The following POT1 variants were observed in gnomAD, a reference collection of about 807,000 sequenced individuals.
POT1 encodes the protein protection of telomeres protein 1.
A neutral mutation model predicts 78.5 loss-of-function variants in POT1; 47 were observed. That is an observed-to-expected ratio of 0.60 (90% CI 0.47 to 0.76). The LOEUF (loss-of-function observed/expected upper bound fraction) is 0.76. Among genes scored for constraint, POT1 ranks in the 30% least tolerant of loss-of-function variants. POT1 has a pLI of 0.00. For missense variants in POT1, 646 were observed against 749.9 expected, an observed-to-expected ratio of 0.86 and a Z score of 1.62; for synonymous variants, 259 against 260.7, an observed-to-expected ratio of 0.99 and a Z score of 0.06.
chr7:124,922,615 A>G (rs1188326229), intron 2 of POT1, among the ~76,000 whole-genome samples: 1 of 152,016 alleles, frequency 6.6e-6, no homozygotes, highest in Non-Finnish European at 1.5e-5. Flanking sequence ...GTATATTGTT[A>G]GTACTAGCAT....
At chr7:124,877,084 T>A (rs191473250) in intron 6 of POT1, among the ~76,000 whole-genome samples, 1 of 152,276 alleles carries the variant, frequency 6.6e-6, no homozygotes, top group Admixed American at 6.5e-5. Context: ...GTCACATAAT[T>A]GTGAAATTAG....
At chr7:124,893,519 AAC>A (rs1323193542) in intron 5 of POT1, among the ~76,000 whole-genome samples, 3 of 151,486 alleles carry the variant, frequency 2.0e-5, no homozygotes, top group African/African-American at 7.2e-5. Flanking sequence ...TAAGAAAAGA[AAC>A]AACTTGCTGA....
chr7:124,866,247 AAC>A (rs1204745640), intron 7 of POT1, among the ~76,000 whole-genome samples: 2 of 95,336 alleles, frequency 2.1e-5, no homozygotes, highest in Admixed American at 1.0e-4. Flanking sequence ...GCTTTGATAA[AAC>A]ATGTGTAGAA....
chr7:124,861,389 C>A (rs1795592693), intron 8 of POT1, among the ~76,000 whole-genome samples: 1 of 152,010 alleles, frequency 6.6e-6, no homozygotes, highest in Non-Finnish European at 1.5e-5. Flanking sequence ...GTCTGTTAGC[C>A]ACATAAATGT....
intron 9 of POT1, among the ~76,000 whole-genome samples, chr7:124,858,133 A>T (rs1292371068): frequency 1.3e-5 from 2 of 152,200 alleles, no homozygotes; most frequent in Non-Finnish European, 2.9e-5. Flanking sequence ...TGAAGGGGTC[A>T]GGGAAATACC....
intron 2 of POT1, among the ~76,000 whole-genome samples, chr7:124,919,782 T>C (rs1584530040): frequency 6.6e-6 from 1 of 152,160 alleles, no homozygotes; most frequent in African/African-American, 2.4e-5. Context: ...TGTGGTACTT[T>C]GTTATGGCTG....
Position 124,919,389 on chromosome 7 carries a change from T to C in POT1, c.-226-3743A>G, listed in dbSNP as rs367700249. 7.2e-5 allele frequency among the ~76,000 whole-genome samples: 11 copies of C among 152,102 alleles called. No individual in the cohort carries two copies. In the East Asian group the frequency reaches 1.3e-3, roughly 19 times the overall value. On this transcript the variant is annotated intron_variant, in intron 2 of 18. Transcript: ENST00000357628. ...GGACAAAAATGAATTAGTATAGATA[T>C]AAAAAATGTAACACATCCTGTTATG...
At chr7:124,911,686 A>C (rs1401728298) in intron 3 of POT1, among the ~76,000 whole-genome samples, 1 of 152,190 alleles carries the variant, frequency 6.6e-6, no homozygotes, top group Non-Finnish European at 1.5e-5. Context: ...AGTGAGAAAA[A>C]AATTAACTGA....
intron 6 of POT1, among the ~76,000 whole-genome samples, chr7:124,888,224 C>T (rs954660002): frequency 6.6e-6 from 1 of 152,068 alleles, no homozygotes; most frequent in African/African-American, 2.4e-5. Context: ...AGAGACTATA[C>T]TTTCCCCATT....
At chr7:124,880,770 A>C (rs993375905) in intron 6 of POT1, among the ~76,000 whole-genome samples, 2 of 151,410 alleles carry the variant, frequency 1.3e-5, no homozygotes, top group African/African-American at 4.9e-5. Flanking sequence ...AGTTAGAAAA[A>C]GACTCTCCTT....
At chr7:124,917,220 A>G (rs1797035121) in intron 2 of POT1, among the ~76,000 whole-genome samples, 1 of 152,160 alleles carries the variant, frequency 6.6e-6, no homozygotes. Context: ...AAGGCTAACC[A>G]GTACCTAGTA....
chr7:124,900,221 A>G (rs747971647), intron 3 of POT1, among the ~76,000 whole-genome samples: 7 of 152,126 alleles, frequency 4.6e-5, no homozygotes, highest in Non-Finnish European at 1.0e-4. Context: ...TATTAGACAA[A>G]TTGGATCCTC....
At chr7:124,874,386 T>A in intron 6 of POT1, among the ~76,000 whole-genome samples, 1 of 152,080 alleles carries the variant, frequency 6.6e-6, no homozygotes, top group Non-Finnish European at 1.5e-5. Context: ...GAGAAAGGTA[T>A]ATAAAACCTA....
rs184515432 is a variant in POT1 at position 124,881,145 on chromosome 7, T to C, written c.125-10104A>G. 8.4e-4 allele frequency among the ~76,000 whole-genome samples: 128 copies of C among 152,094 alleles called. 1 individual carries two copies. The highest frequency in any genetic ancestry group is 2.8e-3 in the African/African-American group (117 of 41,528). ...TTCATTGTTCTGCGATCACCGAGTG[T>C]ACTTACACAAGCCCAGACGATGTTT... On this transcript the variant is annotated intron_variant, in intron 6 of 18. Coordinates refer to ENST00000357628, the MANE Select transcript of POT1 (RefSeq NM_015450.3).
intron 11 of POT1, among the ~76,000 whole-genome samples, chr7:124,849,618 C>T (rs1268809166): frequency 6.6e-6 from 1 of 152,022 alleles, no homozygotes; most frequent in Admixed American, 6.5e-5. Context: ...ATCGACCTCA[C>T]TTTTAGTTTA....
At chr7:124,863,300 G>A in intron 8 of POT1, 50 bp downstream of exon 8, 1 of 1,514,644 alleles carries the variant, frequency 6.6e-7, no homozygotes, top group Non-Finnish European at 9.0e-7. Flanking sequence ...GCTCTTTACA[G>A]ACATGTAAGT....
intron 2 of POT1, among the ~76,000 whole-genome samples, chr7:124,927,314 G>GT (rs1797298320): frequency 6.6e-6 from 1 of 152,260 alleles, no homozygotes; most frequent in South Asian, 2.1e-4. Flanking sequence ...ATAATGCTCT[G>GT]TTTAGTAGCA....
At chr7:124,894,445 T>A (rs1256154029) in intron 5 of POT1, among the ~76,000 whole-genome samples, 2 of 151,628 alleles carry the variant, frequency 1.3e-5, no homozygotes, top group African/African-American at 4.8e-5. Flanking sequence ...ATCAACCAAG[T>A]AACCGCCATT....
At chr7:124,870,431 T>C (rs1795839738) in intron 7 of POT1, among the ~76,000 whole-genome samples, 1 of 152,114 alleles carries the variant, frequency 6.6e-6, no homozygotes. Context: ...ATCTTATTTC[T>C]TATAAATGAA....
Sources: gnomAD v4.1 joint callset for allele counts (sites outside exome capture counted in the v4.1 genomes callset) on GRCh38, gnomAD v4.1.1 for gene constraint, MANE v1.5 for transcripts, NCBI Gene and HGNC (gene_info 2026-07-23, HGNC 2026-07-21) for gene names.